IQANK1: variants seen among roughly 807,000 people sequenced by gnomAD.
IQANK1 encodes IQ motif and ankyrin repeat domain-containing protein 1.
A neutral mutation model predicts 22.6 loss-of-function variants in IQANK1; 30 were observed. The ratio of observed to expected loss-of-function variants is 1.33; its 90% CI spans 0.99 to 1.80. The LOEUF (loss-of-function observed/expected upper bound fraction) is 1.80. IQANK1 is among the 40% of genes most tolerant of loss of function. The pLI is 0.00. For missense variants in IQANK1, 275 were observed against 235.2 expected (o/e 1.17, Z -1.11); for synonymous variants, 122 against 99.6 (o/e 1.23, Z -1.34).
At position 143,752,996 on chromosome 8, in the gene IQANK1, G is replaced by GGTT. The variant is rs368071885; in HGVS notation, c.175+13048_175+13049insGTT. On this transcript the variant is annotated intron_variant, in intron 3 of 13. Transcript: ENST00000527139. ...CCCACAGGTCCCTTACTCTCTGTTC[G>GGTT]TTTTTTTTTTTTTTTTTTTTTTTTT... Among the ~76,000 whole-genome samples the GGTT allele has an allele frequency of 1.8e-3, 126 of 69,952 alleles. 7 individuals carry two copies. The highest frequency in any genetic ancestry group is 7.6e-3 in the African/African-American group (123 of 16,098). 45.9% of individuals were successfully genotyped at this position (69,952 alleles called of 152,430 possible).
chr8:143,765,318 C>T (rs1819465127), intron 3 of IQANK1, among the ~76,000 whole-genome samples: 1 of 151,954 alleles, frequency 6.6e-6, no homozygotes, highest in Non-Finnish European at 1.5e-5. Flanking sequence ...GATCACACCA[C>T]TGCACTCCAG....
chr8:143,773,634 C>G (rs561349559), intron 7 of IQANK1, among the ~76,000 whole-genome samples: 2 of 152,280 alleles, frequency 1.3e-5, no homozygotes, highest in East Asian at 3.9e-4. Context: ...CTGGGAGATG[C>G]ATCCACTGGA....
At chr8:143,736,285 G>A (rs1554625662) in intron 2 of IQANK1, among the ~76,000 whole-genome samples, 1 of 152,026 alleles carries the variant, frequency 6.6e-6, no homozygotes, top group South Asian at 2.1e-4. Flanking sequence ...GATTATGGAC[G>A]TGCGCCACCA....
In IQANK1 at chr8:143,789,462, C is replaced by A. The variant is rs1554631886; in HGVS notation, c.1020C>A (p.Ser340Arg). The change falls in exon 10 of 14, where the codon AGC becomes AGA. Residue 340 changes from serine (S) to arginine (R), a missense_variant. By Grantham distance (110) the Ser-to-Arg change is moderately radical. Transcript: ENST00000527139. The part of the protein sequence containing the change: ...KELQQAYCEL[S>R]RRISEHDQCE... ...TGCAACAGGCCTACTGTGAGCTTAG[C>A]CGGAGGATCTCAGAGCACGACCAGT... 1.6e-6 allele frequency: 2 copies of A among 1,232,002 alleles called. No individual in the cohort carries two copies. The allele number at this position is 1,232,002 out of a possible 1,614,324, so 76.3% of individuals were successfully genotyped here. A position where few individuals can be genotyped will look rare whatever the true frequency, so the allele number is the denominator to read the frequency against.
chr8:143,754,477 C>T (rs965887878), intron 3 of IQANK1, among the ~76,000 whole-genome samples: 7 of 152,134 alleles, frequency 4.6e-5, no homozygotes, highest in African/African-American at 1.7e-4. Context: ...AATTCAGTTC[C>T]TTGTGGGCAG....
Position 143,758,106 on chromosome 8 carries a change from G to A in IQANK1, c.176-13382G>A, listed in dbSNP as rs1349564793. ...GACAAGAATGTGAGGGTGTTTTGTC[G>A]GCCCTATTATGTAAAAGCAAAGTGT... is the stretch of plus-strand genomic sequence containing the variant. On this transcript the variant is annotated intron_variant, in intron 3 of 13. Coordinates refer to ENST00000527139, the MANE Select transcript of IQANK1 (RefSeq NM_001381874.1). This position sits in a 1 kb window ranked among gnomAD's most constrained non-coding sequence, Gnocchi z 4.2. 5.3e-5 allele frequency: 8 copies of A among 152,122 alleles called. No homozygotes were observed. The highest frequency in any genetic ancestry group is 1.9e-4 in the African/African-American group (8 of 41,400). The allele number at this position is 152,122 out of a possible 1,614,324, so 9.4% of individuals were successfully genotyped here.
rs1454263815 is a variant in IQANK1 at position 143,790,364 on chromosome 8, T to C, written c.1439T>C (p.Leu480Pro). The change falls in exon 14 of 14, where the codon CTG (leucine) becomes CCG (proline). Residue 480 changes from leucine (L) to proline (P), a missense_variant. Transcript: ENST00000527139. ...TCATGGGGCAGGTATGGGAAGCCGC[T>C]GGTGTTCGACCTGCGAGAGGAAGAC... ...LLGALRYGKP[L>P]VFDLREEDLF... The C allele has an allele frequency of 1.2e-5, 13 of 1,114,868 alleles. No individual in the cohort carries two copies. Among genetic ancestry groups the C allele is most frequent in the Middle Eastern group, 3.3e-4 (1 of 3,024 alleles). The allele number at this position is 1,114,868 out of a possible 1,614,324, so 69.1% of individuals were successfully genotyped here.
At chr8:143,738,723 G>A (rs917570878) in intron 2 of IQANK1, among the ~76,000 whole-genome samples, 12 of 146,890 alleles carry the variant, frequency 8.2e-5, no homozygotes, top group African/African-American at 2.7e-4. Flanking sequence ...CGGCTCCCCC[G>A]GTCCCACAGC....
chr8:143,750,785 G>A, intron 3 of IQANK1, among the ~76,000 whole-genome samples: 1 of 152,154 alleles, frequency 6.6e-6, no homozygotes, highest in East Asian at 1.9e-4. Context: ...CTGCACTCCA[G>A]CTTCGGTGAC....
Position 143,772,240 on chromosome 8 carries a change from C to T in IQANK1, c.660C>T (p.Ser220=), listed in dbSNP as rs1382020856. 5.0e-6 allele frequency: 2 copies of T among 396,728 alleles called. No individual in the cohort carries two copies. Among genetic ancestry groups the T allele is most frequent in the Non-Finnish European group, 8.9e-6 (2 of 224,824 alleles). 24.6% of individuals were successfully genotyped at this position (396,728 alleles called of 1,614,324 possible). A position where few individuals can be genotyped will look rare whatever the true frequency, so the allele number is the denominator to read the frequency against. Residue 220 remains serine, a synonymous_variant, in exon 6 of 14, where the codon AGC becomes AGT. Transcript: ENST00000527139. ...LRAELGASPN[S]KGAFGPTPLY... is the part of the protein sequence containing the mutation. Reference sequence around the variant, plus strand: ...CCGAGCTCGGCGCCAGCCCCAACAGCAAGGTGGGCGCCGTGGGCCGCGGGC... The same window carrying T: ...CCGAGCTCGGCGCCAGCCCCAACAGTAAGGTGGGCGCCGTGGGCCGCGGGC...
At chr8:143,768,998 A>C (rs1234338340) in intron 3 of IQANK1, among the ~76,000 whole-genome samples, 1 of 152,162 alleles carries the variant, frequency 6.6e-6, no homozygotes, top group African/African-American at 2.4e-5. Flanking sequence ...CAGGGCTCCC[A>C]AAATCCGGGA....
rs1587498608 is a variant in IQANK1 at position 143,789,574 on chromosome 8, C to T, written c.1086+46C>T. ...TGATATGCCCCTGCGTCCTCAACAC[C>T]CCTCCTTGTTCCAAACCAGCCCAGA... On this transcript the variant is annotated intron_variant, in intron 10 of 13. Coordinates refer to ENST00000527139, the MANE Select transcript of IQANK1 (RefSeq NM_001381874.1). 9.7e-6 allele frequency: 12 copies of T among 1,231,706 alleles called. No homozygotes were observed. The East Asian group carries it at 2.2e-4, about 23-fold the overall frequency. 76.3% of individuals were successfully genotyped at this position (1,231,706 alleles called of 1,614,324 possible).
intron 3 of IQANK1, among the ~76,000 whole-genome samples, chr8:143,768,518 G>A (rs973437297): frequency 6.6e-6 from 1 of 152,120 alleles, no homozygotes; most frequent in Non-Finnish European, 1.5e-5. Context: ...GCGGACATAC[G>A]TCGGTGGCTG....
chr8:143,773,774 A>T (rs1435470207), intron 7 of IQANK1, among the ~76,000 whole-genome samples: 1 of 151,722 alleles, frequency 6.6e-6, no homozygotes, highest in East Asian at 1.9e-4. Flanking sequence ...CCTGGGCTGG[A>T]GGGGAGGGGC....
chr8:143,762,171 C>A (rs1218415960), intron 3 of IQANK1, among the ~76,000 whole-genome samples: 2 of 151,976 alleles, frequency 1.3e-5, no homozygotes, highest in African/African-American at 4.8e-5. Flanking sequence ...ATATACCAGG[C>A]GTGGTGGCAA....
intron 3 of IQANK1, chr8:143,742,998 C>G (rs1554626814): frequency 1.1e-5 from 5 of 455,970 alleles, no homozygotes; most frequent in Admixed American, 2.3e-5. Flanking sequence ...TCCCCCACCC[C>G]CCAGAACTCC....
intron 3 of IQANK1, among the ~76,000 whole-genome samples, chr8:143,755,421 T>C (rs1819272295): frequency 6.6e-6 from 1 of 152,206 alleles, no homozygotes; most frequent in Non-Finnish European, 1.5e-5. Context: ...TGGAGTACAA[T>C]GACGTGATCT....
chr8:143,785,359 C>T (rs1452100968), intron 7 of IQANK1, among the ~76,000 whole-genome samples: 6 of 146,022 alleles, frequency 4.1e-5, no homozygotes, highest in East Asian at 4.2e-4. Flanking sequence ...CAGGTTCAAG[C>T]GATTCTCATG....
intron 6 of IQANK1, 28 bp from the exon 7 acceptor site, chr8:143,772,329 G>T (rs1188892127): frequency 2.5e-6 from 1 of 398,918 alleles, no homozygotes; most frequent in East Asian, 3.6e-5. Flanking sequence ...GCAAGGCCTG[G>T]ATCTTGCTCG....
Sources: gnomAD v4.1 joint callset for allele counts (sites outside exome capture counted in the v4.1 genomes callset) on GRCh38, gnomAD v4.1.1 for gene constraint, Gnocchi (gnomAD v3.1) non-coding constraint, MANE v1.5 for transcripts, NCBI Gene and HGNC (gene_info 2026-07-23, HGNC 2026-07-21) for gene names.